Variants in PTPRR observed in about 807,000 individuals in gnomAD.
The protein encoded by PTPRR is receptor-type tyrosine-protein phosphatase R.
Under a neutral mutation model 77.2 loss-of-function variants are expected in PTPRR, and 38 were observed. The ratio of observed to expected loss-of-function variants is 0.49; its 90% CI spans 0.38 to 0.65. PTPRR has a LOEUF of 0.65. PTPRR is among the 30% of genes least tolerant of loss of function. The pLI is 0.00. For missense variants in PTPRR, 744 were observed against 799.2 expected, an observed-to-expected ratio of 0.93 and a Z score of 0.83; for synonymous variants, 299 against 283.1, an observed-to-expected ratio of 1.06 and a Z score of -0.57.
At chr12:70,769,244 T>C (rs1400018039) in intron 2 of PTPRR, among the ~76,000 whole-genome samples, 2 of 150,968 alleles carry the variant, frequency 1.3e-5, no homozygotes, top group Non-Finnish European at 2.9e-5. Context: ...ACGACGTGAT[T>C]GTATATCTAG....
chr12:70,741,646 C>T (rs544306077), intron 6 of PTPRR, among the ~76,000 whole-genome samples: 3 of 152,046 alleles, frequency 2.0e-5, no homozygotes, highest in East Asian at 1.9e-4. Context: ...GGTGGCGTCT[C>T]GGGGTGTGGA....
Position 70,753,196 on chromosome 12 carries a change from C to A in PTPRR, c.738+995G>T, listed in dbSNP as rs186750798. 2.6e-5 allele frequency among the ~76,000 whole-genome samples: 4 copies of A among 152,268 alleles called. No individual in the cohort carries two copies. In the East Asian group the frequency reaches 7.7e-4, roughly 29 times the overall value. On this transcript the variant is annotated intron_variant, in intron 5 of 13. Coordinates refer to ENST00000283228, the MANE Select transcript of PTPRR (RefSeq NM_002849.4). ...TTATATCCTCTAAGTTTAGCCCATG[C>A]AGCCTGTCTTTCCAGAGGGAGCCCC...
In PTPRR at chr12:70,698,285, C is replaced by A; in HGVS notation, c.1259G>T (p.Arg420Leu). ...IDIPRHGTKN[R>L]YKTILPNPLS... ...CTTACTTGGTAAAATGGTCTTATAG[C>A]GATTTTTAGTTCCATGACGCGGAAT... is the stretch of plus-strand genomic sequence containing the variant. The change falls in exon 8 of 14, where the codon CGC (arginine) becomes CTC (leucine). Residue 420 changes from arginine to leucine, a missense_variant. Physicochemically the swap from Arg to Leu is moderately radical, Grantham distance 102. Around this residue, in one of 3 missense-constraint regions of PTPRR, gnomAD observed 570 missense variants for 573.2 expected, o/e 0.99. Transcript: ENST00000283228. 1.2e-6 allele frequency: 2 copies of A among 1,612,800 alleles called. No homozygotes were observed. The highest frequency in any genetic ancestry group is 1.7e-6 in the Non-Finnish European group (2 of 1,179,266).
chr12:70,670,047 C>T (rs1445956532), intron 10 of PTPRR, among the ~76,000 whole-genome samples: 1 of 152,076 alleles, frequency 6.6e-6, no homozygotes, highest in Non-Finnish European at 1.5e-5. Context: ...ATATATGGCT[C>T]CTTATGTGGC....
chr12:70,889,159 T>A (rs974245044), intron 2 of PTPRR, among the ~76,000 whole-genome samples: 8 of 152,216 alleles, frequency 5.3e-5, no homozygotes, highest in Non-Finnish European at 1.0e-4. Flanking sequence ...ATGGCTGAAT[T>A]CTGTTGATAT....
At chr12:70,753,961 T>TA (rs1264465568) in intron 5 of PTPRR, among the ~76,000 whole-genome samples, 1 of 152,168 alleles carries the variant, frequency 6.6e-6, no homozygotes, top group Admixed American at 6.6e-5. Context: ...ATCAAGTTAC[T>TA]AAAAACTGCA....
chr12:70,661,518 C>T (rs745646668), intron 11 of PTPRR, among the ~76,000 whole-genome samples: 6 of 152,108 alleles, frequency 3.9e-5, no homozygotes, highest in Middle Eastern at 6.3e-3. Flanking sequence ...AATTTCATAT[C>T]AGTCATGCTA....
At chr12:70,845,234 G>A (rs746231640) in intron 2 of PTPRR, among the ~76,000 whole-genome samples, 1 of 152,018 alleles carries the variant, frequency 6.6e-6, no homozygotes, top group Non-Finnish European at 1.5e-5. Context: ...GAAGCTTATA[G>A]GTGTGCACAG....
intron 12 of PTPRR, among the ~76,000 whole-genome samples, chr12:70,657,092 T>C (rs912324698): frequency 2.2e-4 from 34 of 152,268 alleles, no homozygotes; most frequent in African/African-American, 8.2e-4. Context: ...AATTAAGGTC[T>C]GCACTTAGGC....
At chr12:70,641,996 C>T (rs1188516723) in intron 13 of PTPRR, among the ~76,000 whole-genome samples, 1 of 152,172 alleles carries the variant, frequency 6.6e-6, no homozygotes, top group African/African-American at 2.4e-5. Flanking sequence ...ACTCACCACT[C>T]TAGTCTCCCT....
intron 6 of PTPRR, among the ~76,000 whole-genome samples, chr12:70,732,798 ATC>A (rs1455016524): frequency 6.6e-6 from 1 of 152,026 alleles, no homozygotes; most frequent in African/African-American, 2.4e-5. Flanking sequence ...TGACTTTGTG[ATC>A]TGACCACCTC....
chr12:70,834,884 A>G (rs1335413162), intron 2 of PTPRR, among the ~76,000 whole-genome samples: 1 of 152,140 alleles, frequency 6.6e-6, no homozygotes, highest in African/African-American at 2.4e-5. Flanking sequence ...TTGATGCTCA[A>G]AGTTACATTA....
At chr12:70,750,807 G>T (rs1159709969) in intron 5 of PTPRR, among the ~76,000 whole-genome samples, 2 of 152,136 alleles carry the variant, frequency 1.3e-5, no homozygotes, top group Non-Finnish European at 2.9e-5. Context: ...ATAGCTCACT[G>T]TAGCCTCAAA....
At chr12:70,666,465 A>G (rs1328305009) in intron 10 of PTPRR, among the ~76,000 whole-genome samples, 4 of 152,178 alleles carry the variant, frequency 2.6e-5, no homozygotes, top group Admixed American at 6.5e-5. Context: ...TGTACTTATT[A>G]TTGAAGTCCA....
chr12:70,641,349 A>G (rs1046829097), intron 13 of PTPRR, among the ~76,000 whole-genome samples: 9 of 152,136 alleles, frequency 5.9e-5, no homozygotes, highest in African/African-American at 2.2e-4. Context: ...TTGAGGCAAG[A>G]TTTTCCCCTT....
rs200588007 is a variant in PTPRR at position 70,769,304 on chromosome 12, C to T, written c.358-4526G>A. On this transcript the variant is annotated intron_variant, in intron 2 of 13. Transcript: ENST00000283228. Reference sequence around the variant, plus strand: ...ATCTCCTTAAGCTGATAAGCAACTTCAGCAAAGTCTCAGGATACAAAATCA... The same window carrying T: ...ATCTCCTTAAGCTGATAAGCAACTTTAGCAAAGTCTCAGGATACAAAATCA... Among the ~76,000 whole-genome samples the T allele has an allele frequency of 5.0e-4, 76 of 151,400 alleles. No homozygotes were observed. In the East Asian group the frequency reaches 0.014, roughly 28 times the overall value.
At chr12:70,895,307 C>T (rs1893408375) in intron 1 of PTPRR, among the ~76,000 whole-genome samples, 1 of 151,540 alleles carries the variant, frequency 6.6e-6, no homozygotes, top group Non-Finnish European at 1.5e-5. Flanking sequence ...ACACAAATAT[C>T]TTCAATCTTT....
At chr12:70,643,503 A>G (rs1886085261) in intron 13 of PTPRR, among the ~76,000 whole-genome samples, 1 of 152,078 alleles carries the variant, frequency 6.6e-6, no homozygotes, top group Admixed American at 6.5e-5. Flanking sequence ...GGCTGGTCAT[A>G]GCAAAAAAAG....
chr12:70,680,402 CCAG>C (rs896838750), intron 10 of PTPRR, among the ~76,000 whole-genome samples: 24 of 152,292 alleles, frequency 1.6e-4, no homozygotes, highest in Admixed American at 1.5e-3. Context: ...ATGACTTTCA[CCAG>C]CAGATGTGTC....
Sources: allele counts gnomAD v4.1 joint callset (sites outside exome capture counted in the v4.1 genomes callset), GRCh38; gene constraint gnomAD v4.1.1; regional missense constraint gnomAD v4.1.1; transcripts MANE v1.5; gene names NCBI Gene and HGNC (gene_info 2026-07-23, HGNC 2026-07-21).